MROH2B: variants seen among roughly 807,000 people sequenced by gnomAD.
MROH2B encodes the protein maestro heat-like repeat-containing protein family member 2B.
In MROH2B, 177 loss-of-function variants were observed where a neutral mutation model predicts 208.6. The observed-to-expected ratio is 0.85, with a 90% CI of 0.75 to 0.96. MROH2B has a LOEUF of 0.96. Among genes scored for constraint, MROH2B ranks in the 40% least tolerant of loss-of-function variants. The probability of loss-of-function intolerance (pLI) is 0.00; values close to 1 mark genes in which losing one functional copy is unlikely to be tolerated. For missense variants in MROH2B, 2,002 were observed against 1,878.7 expected, an observed-to-expected ratio of 1.07 and a Z score of -1.21; for synonymous variants, 728 against 659.0, an observed-to-expected ratio of 1.10 and a Z score of -1.60.
intron 16 of MROH2B, 109 bp from the exon 17 acceptor site, chr5:41,047,873 T>G: frequency 1.1e-6 from 1 of 936,360 alleles, no homozygotes. Context: ...TAAGCTTTCT[T>G]TTTGCTCATA....
chr5:41,062,067 T>C (rs149414925), intron 5 of MROH2B, among the ~76,000 whole-genome samples: 4 of 149,004 alleles, frequency 2.7e-5, no homozygotes, highest in African/African-American at 1.0e-4. Flanking sequence ...AAGTTGAATA[T>C]GCATTCCATT....
chr5:41,071,001 C>T lies in MROH2B; in HGVS notation c.-149G>A. On this transcript the variant is annotated 5_prime_UTR_variant, in exon 1 of 42. In the 5' UTR this introduces an upstream ATG that the reference lacks. Coordinates refer to ENST00000399564, the MANE Select transcript of MROH2B (RefSeq NM_173489.5). ...AAGTGCCTCCTCCACTTGATTGGCA[C>T]AATGGTCTGGGAGCTTCCAGAGATG... The T allele has an allele frequency of 1.4e-6, 1 of 715,572 alleles. No homozygotes were observed. The allele number at this position is 715,572 out of a possible 1,614,324, so 44.3% of individuals were successfully genotyped here. A position where few individuals can be genotyped will look rare whatever the true frequency, so the allele number is the denominator to read the frequency against.
At chr5:41,057,070 G>A (rs1743477825) in intron 9 of MROH2B, 39 bp downstream of exon 9, 3 of 1,598,432 alleles carry the variant, frequency 1.9e-6, no homozygotes, top group Non-Finnish European at 2.6e-6. Context: ...CATCACTTGG[G>A]GACATTTTTA....
chr5:41,039,338 A>T, intron 20 of MROH2B, 110 bp downstream of exon 20: 1 of 653,972 alleles, frequency 1.5e-6, no homozygotes, highest in Non-Finnish European at 2.6e-6. Context: ...GACCTGGAAT[A>T]AGAACCTGGG....
rs768077895 is a variant in MROH2B at position 41,018,875 on chromosome 5, G to C, written c.2577+8C>G. 1.2e-6 allele frequency: 2 copies of C among 1,613,888 alleles called. No homozygotes were observed. Among genetic ancestry groups the C allele is most frequent in the Non-Finnish European group, 8.5e-7 (1 of 1,179,870 alleles). On this transcript the variant is annotated splice_region_variant and intron_variant, in intron 25 of 41. Coordinates refer to ENST00000399564, the MANE Select transcript of MROH2B (RefSeq NM_173489.5). ...CTGTCATCCTACTTAGGCCTCACTA[G>C]TGCATACTTGAATGTGCTCCTTGTC...
intron 33 of MROH2B, among the ~76,000 whole-genome samples, 171 bp downstream of exon 33, chr5:41,008,435 C>G (rs1181675957): frequency 1.3e-5 from 2 of 152,084 alleles, no homozygotes; most frequent in East Asian, 3.9e-4. Flanking sequence ...GATACTGGCT[C>G]AAGAAGAACT....
intron 24 of MROH2B, among the ~76,000 whole-genome samples, chr5:41,026,031 G>A (rs1054231415): frequency 5.3e-5 from 8 of 152,146 alleles, no homozygotes; most frequent in Non-Finnish European, 8.8e-5. Context: ...TTGATGGGAT[G>A]TATCTCAAAA....
intron 24 of MROH2B, among the ~76,000 whole-genome samples, chr5:41,025,992 C>T (rs1189722379): frequency 2.0e-5 from 3 of 151,808 alleles, no homozygotes; most frequent in Admixed American, 1.3e-4. Flanking sequence ...AACAGCCCCT[C>T]ATGCTAAAAA....
chr5:41,012,676 GTCCAGCATT>G lies in MROH2B; in HGVS notation c.3033_3041del (p.Glu1011_Leu1013del), dbSNP rs1741812496. 1.2e-6 allele frequency: 2 copies of G among 1,613,704 alleles called. No individual in the cohort carries two copies. The highest frequency in any genetic ancestry group is 1.7e-6 in the Non-Finnish European group (2 of 1,179,800). On this transcript the variant is annotated inframe_deletion, in exon 30 of 42. Transcript: ENST00000399564. The stretch of plus-strand genomic sequence containing the variant: ...AAGTGGGGTTGAGGCTCTCCAGACC[GTCCAGCATT>G]TCCTCTAGGAACATCAGAATTTCTT...
rs79947838 is a variant in MROH2B at position 41,019,083 on chromosome 5, T to G, written c.2442-65A>C. 1,900 of 1,589,136 alleles carry G rather than the reference T, an allele frequency of 1.2e-3. 43 individuals are homozygous for G. In the East Asian group the frequency reaches 0.034, roughly 28 times the overall value. On this transcript the variant is annotated intron_variant, in intron 24 of 41. Coordinates refer to ENST00000399564, the MANE Select transcript of MROH2B (RefSeq NM_173489.5). ...ACCATCAGAACATACCCAGTGGAAT[T>G]CCCAAGAACTGCCAATCACATCTGA...
intron 24 of MROH2B, among the ~76,000 whole-genome samples, chr5:41,026,872 G>A (rs1211736112): frequency 6.6e-6 from 1 of 152,126 alleles, no homozygotes; most frequent in Non-Finnish European, 1.5e-5. Context: ...AGAGCCCTCA[G>A]AAATAATACC....
chr5:41,023,957 A>G (rs895395732), intron 24 of MROH2B, among the ~76,000 whole-genome samples: 1 of 152,222 alleles, frequency 6.6e-6, no homozygotes, highest in Non-Finnish European at 1.5e-5. Flanking sequence ...AAGGAGAAAT[A>G]AAATCCTTTC....
chr5:41,005,778 C>T (rs1579901966), intron 34 of MROH2B, 133 bp from the exon 35 acceptor site: 2 of 748,070 alleles, frequency 2.7e-6, no homozygotes, highest in Non-Finnish European at 4.4e-6. Context: ...TGCCTGTAAT[C>T]CTAGAACTTT....
chr5:41,025,896 A>G lies in MROH2B; in HGVS notation c.2441+6846T>C, dbSNP rs139294241. ...GCTGGTTCAACATACACATATCAATAAACATAATCCATCACATAAACAGAA... is the reference window on the plus strand; with the variant it reads ...GCTGGTTCAACATACACATATCAATGAACATAATCCATCACATAAACAGAA... On this transcript the variant is annotated intron_variant, in intron 24 of 41. Coordinates refer to ENST00000399564, the MANE Select transcript of MROH2B (RefSeq NM_173489.5). Among the ~76,000 whole-genome samples the G allele has an allele frequency of 4.1e-3, 623 of 152,324 alleles. 5 individuals carry two copies. Among genetic ancestry groups the G allele is most frequent in the African/African-American group, 0.014 (590 of 41,566 alleles).
rs769482829 is a variant in MROH2B, at chr5:41,058,128, G to C, written c.691C>G (p.Leu231Val). 1 of 1,606,814 alleles carries C rather than the reference G, an allele frequency of 6.2e-7. No individual in the cohort carries two copies. The highest frequency in any genetic ancestry group is 8.5e-7 in the Non-Finnish European group (1 of 1,176,392). ...LHREDFRGYA[L>V]GQVPWLLNQY... ...TTCAGGAGCCAGGGCACCTGGCCCA[G>C]GGCGTATCCACGGAAGTCTTCCCGA... Residue 231 changes from leucine (L) to valine (V), a missense_variant, in exon 7 of 42, where the codon CTG becomes GTG. Leu to Val is a conservative substitution (Grantham distance 32). Coordinates refer to ENST00000399564, the MANE Select transcript of MROH2B (RefSeq NM_173489.5).
chr5:41,057,879 C>T (rs1392545361), intron 7 of MROH2B, among the ~76,000 whole-genome samples, 184 bp downstream of exon 7: 1 of 151,852 alleles, frequency 6.6e-6, no homozygotes, highest in Non-Finnish European at 1.5e-5. Flanking sequence ...GTTCTTAATC[C>T]GTTTCTGAAG....
At chr5:41,064,721 A>G (rs1263816445) in intron 4 of MROH2B, among the ~76,000 whole-genome samples, 151 bp from the exon 5 acceptor site, 3 of 152,056 alleles carry the variant, frequency 2.0e-5, no homozygotes, top group Non-Finnish European at 2.9e-5. Flanking sequence ...CGCCATCTCT[A>G]CCCCACCTTA....
intron 19 of MROH2B, among the ~76,000 whole-genome samples, chr5:41,041,063 C>A: frequency 6.6e-6 from 1 of 151,946 alleles, no homozygotes; most frequent in East Asian, 1.9e-4. Flanking sequence ...TAACCTATAC[C>A]AGAGATAAGA....
chr5:41,051,696 G>A (rs1743290469), intron 12 of MROH2B: 1 of 152,224 alleles, frequency 6.6e-6, no homozygotes, highest in Admixed American at 6.5e-5. Context: ...CACTAGGTAA[G>A]GACACAGTGA....
Sources: allele counts gnomAD v4.1 joint callset (sites outside exome capture counted in the v4.1 genomes callset), GRCh38; gene constraint gnomAD v4.1.1; transcripts MANE v1.5; gene names NCBI Gene and HGNC (gene_info 2026-07-23, HGNC 2026-07-21).